MAD1L1: variants seen among roughly 807,000 people sequenced by gnomAD.
MAD1L1 encodes mitotic spindle assembly checkpoint protein MAD1.
In MAD1L1, 95 loss-of-function variants were observed where a neutral mutation model predicts 96.9. The ratio of observed to expected loss-of-function variants is 0.98; its 90% CI spans 0.83 to 1.16. MAD1L1 has a LOEUF of 1.16. Ranked by LOEUF, MAD1L1 falls within the 50% of genes most tolerant of loss-of-function variation. MAD1L1 has a pLI of 0.00. For synonymous variants in MAD1L1, 473 were observed against 396.6 expected, an observed-to-expected ratio of 1.19 and a Z score of -2.29; for missense variants, 1,007 against 954.4, an observed-to-expected ratio of 1.06 and a Z score of -0.73.
At chr7:2,062,626 G>C (rs369244329) in intron 12 of MAD1L1, among the ~76,000 whole-genome samples, 4 of 152,218 alleles carry the variant, frequency 2.6e-5, no homozygotes, top group African/African-American at 9.6e-5. Flanking sequence ...CCCTGGAGCT[G>C]AGGGAGCGGC....
intron 17 of MAD1L1, among the ~76,000 whole-genome samples, chr7:1,902,882 T>C (rs1319416388): frequency 1.3e-5 from 2 of 150,646 alleles, no homozygotes; most frequent in African/African-American, 4.9e-5. Context: ...GATGAAGCAC[T>C]GTTCCAGGCA....
At chr7:1,917,441 A>G (rs572762512) in intron 17 of MAD1L1, among the ~76,000 whole-genome samples, 60 of 152,298 alleles carry the variant, frequency 3.9e-4, no homozygotes, top group Non-Finnish European at 7.6e-4. Context: ...TCCCCTCCAG[A>G]CAGCCAGAGC....
At chr7:2,010,482 G>T (rs1782246384) in intron 13 of MAD1L1, among the ~76,000 whole-genome samples, 1 of 152,074 alleles carries the variant, frequency 6.6e-6, no homozygotes. Flanking sequence ...AATCAAGGTG[G>T]CGTGCACTGC....
chr7:1,896,873 T>C (rs1387662836), intron 18 of MAD1L1, among the ~76,000 whole-genome samples: 4 of 152,272 alleles, frequency 2.6e-5, no homozygotes, highest in Non-Finnish European at 5.9e-5. Context: ...TATTAATACC[T>C]AATCATTTTA....
At position 1,882,938 on chromosome 7, in the gene MAD1L1, A is replaced by T. The variant is rs59140398; in HGVS notation, c.1998+15262T>A. The stretch of plus-strand genomic sequence containing the variant: ...AACGGCCCCAGGAACCAGCTCTTTA[A>T]CACCAAACCTGGTGTCACAAACGAC... On this transcript the variant is annotated intron_variant, in intron 18 of 18. Transcript: ENST00000265854. 7.6e-4 allele frequency among the ~76,000 whole-genome samples: 109 copies of T among 144,316 alleles called. 1 individual carries two copies. Among genetic ancestry groups the T allele is most frequent in the African/African-American group, 2.7e-3 (96 of 35,800 alleles). 94.7% of individuals were successfully genotyped at this position (144,316 alleles called of 152,430 possible). A position where few individuals can be genotyped will look rare whatever the true frequency, so the allele number is the denominator to read the frequency against.
chr7:2,217,895 C>T (rs1562382090), intron 7 of MAD1L1, 67 bp downstream of exon 7: 9 of 1,372,448 alleles, frequency 6.6e-6, no homozygotes, highest in East Asian at 2.3e-5. Flanking sequence ...GCAGAAAGGC[C>T]GACAGGGGCA....
Position 2,027,245 on chromosome 7 carries a change from G to A in MAD1L1, c.1219-12603C>T, listed in dbSNP as rs139911315. ...AATCTTGTAAACAAGAAACCCCTAG[G>A]CCCAGATGCTTTCACTGGTACACTC... On this transcript the variant is annotated intron_variant, in intron 12 of 18. Coordinates refer to ENST00000265854, the MANE Select transcript of MAD1L1 (RefSeq NM_001013836.2). Among the ~76,000 whole-genome samples, 20 of 152,122 alleles carry A rather than the reference G, an allele frequency of 1.3e-4. No individual in the cohort carries two copies. The East Asian group carries it at 3.9e-3, about 29-fold the overall frequency.
chr7:1,935,689 C>T (rs1437349108), intron 17 of MAD1L1, among the ~76,000 whole-genome samples: 2 of 152,256 alleles, frequency 1.3e-5, no homozygotes, highest in African/African-American at 2.4e-5. Flanking sequence ...AGGGAATGCT[C>T]TCCCACAGTA....
chr7:2,025,901 A>C (rs188378716), intron 12 of MAD1L1, among the ~76,000 whole-genome samples: 6 of 152,334 alleles, frequency 3.9e-5, no homozygotes, highest in Non-Finnish European at 7.4e-5. Context: ...TCATAAAAAA[A>C]TTTATTCTAC....
intron 12 of MAD1L1, among the ~76,000 whole-genome samples, chr7:2,018,184 C>G (rs997871439): frequency 6.6e-6 from 1 of 152,190 alleles, no homozygotes; most frequent in South Asian, 2.1e-4. Context: ...CAACGAAGCC[C>G]ACATCCTGCC....
intron 10 of MAD1L1, among the ~76,000 whole-genome samples, chr7:2,176,628 G>A (rs1790959887): frequency 6.6e-6 from 1 of 152,002 alleles, no homozygotes; most frequent in South Asian, 2.1e-4. Context: ...CAAAGTCACA[G>A]GACACTGTCA....
Position 2,142,816 on chromosome 7 carries a change from T to C in MAD1L1, c.1073+6336A>G, listed in dbSNP as rs977632977. ...GAGCATGAGACTTGCTGGGAACACA[T>C]GGCTGAGGCCATGGTCAGTTCAAGG... On this transcript the variant is annotated intron_variant, in intron 11 of 18. Transcript: ENST00000265854. This position sits in a 1 kb window ranked among gnomAD's most constrained non-coding sequence, Gnocchi z 4.7. Among the ~76,000 whole-genome samples, 1 of 152,176 alleles carries C rather than the reference T, an allele frequency of 6.6e-6. No homozygotes were observed. The highest frequency in any genetic ancestry group is 1.5e-5 in the Non-Finnish European group (1 of 68,020).
intron 15 of MAD1L1, among the ~76,000 whole-genome samples, chr7:1,958,989 C>A (rs186402883): frequency 6.6e-6 from 1 of 152,200 alleles, no homozygotes; most frequent in South Asian, 2.1e-4. Context: ...CGGTGGCTCA[C>A]GCCTGTAATC....
intron 11 of MAD1L1, among the ~76,000 whole-genome samples, chr7:2,111,904 T>C (rs1787402120): frequency 1.3e-5 from 2 of 152,174 alleles, no homozygotes; most frequent in South Asian, 4.1e-4. Flanking sequence ...GCAGTCCCAC[T>C]CCTAAGTATG....
At chr7:1,943,437 C>CAA (rs1779090967) in intron 16 of MAD1L1, among the ~76,000 whole-genome samples, 1 of 152,192 alleles carries the variant, frequency 6.6e-6, no homozygotes, top group Non-Finnish European at 1.5e-5. Flanking sequence ...CGTCTGCAGA[C>CAA]AGACTCCTAT....
intron 16 of MAD1L1, among the ~76,000 whole-genome samples, chr7:1,950,637 C>T (rs747187010): frequency 2.6e-5 from 4 of 152,236 alleles, no homozygotes; most frequent in African/African-American, 9.6e-5. Context: ...TCAATGTCTG[C>T]CCCCAGCTGC....
intron 12 of MAD1L1, among the ~76,000 whole-genome samples, chr7:2,042,165 A>G (rs1783710318): frequency 7.5e-6 from 1 of 132,596 alleles, no homozygotes; most frequent in African/African-American, 4.2e-5. Context: ...ACACATATGT[A>G]CACACATACA....
chr7:2,040,092 A>AC (rs772799363), intron 12 of MAD1L1, among the ~76,000 whole-genome samples: 1 of 152,196 alleles, frequency 6.6e-6, no homozygotes, highest in Non-Finnish European at 1.5e-5. Flanking sequence ...ACACTAGCTG[A>AC]CCTTCCAGAG....
chr7:2,076,750 A>C (rs1437485881), intron 11 of MAD1L1, among the ~76,000 whole-genome samples: 1 of 148,550 alleles, frequency 6.7e-6, no homozygotes, highest in African/African-American at 2.5e-5. Flanking sequence ...GTGAGCCCGC[A>C]ACATGGTGAG....
Sources: gnomAD v4.1 joint callset for allele counts (sites outside exome capture counted in the v4.1 genomes callset) on GRCh38, gnomAD v4.1.1 for gene constraint, Gnocchi (gnomAD v3.1) non-coding constraint, MANE v1.5 for transcripts, NCBI Gene and HGNC (gene_info 2026-07-23, HGNC 2026-07-21) for gene names.